GPC5: variants seen among roughly 807,000 people sequenced by gnomAD.
The protein encoded by GPC5 is glypican-5.
Under a neutral mutation model 53.9 loss-of-function variants are expected in GPC5, and 47 were observed. The observed-to-expected ratio is 0.87, with a 90% CI of 0.69 to 1.11. The LOEUF (loss-of-function observed/expected upper bound fraction) is 1.11. Among genes scored for constraint, GPC5 ranks in the 50% most tolerant of loss-of-function variants. The probability of loss-of-function intolerance (pLI) is 0.00; values close to 1 mark genes in which losing one functional copy is unlikely to be tolerated. For synonymous variants in GPC5, 286 were observed against 263.3 expected, an observed-to-expected ratio of 1.09 and a Z score of -0.84; for missense variants, 748 against 713.1, an observed-to-expected ratio of 1.05 and a Z score of -0.56.
chr13:91,434,126 A>C (rs920186340), intron 1 of GPC5, among the ~76,000 whole-genome samples: 15 of 152,142 alleles, frequency 9.9e-5, no homozygotes, highest in Non-Finnish European at 2.2e-4. Flanking sequence ...AGTAGATTGC[A>C]AAAATTTTCT....
At chr13:91,565,896 C>G (rs895800806) in intron 2 of GPC5, among the ~76,000 whole-genome samples, 1 of 152,136 alleles carries the variant, frequency 6.6e-6, no homozygotes, top group African/African-American at 2.4e-5. Flanking sequence ...TCTCTTCAAG[C>G]TCTTCGTGGC....
chr13:91,460,738 G>A (rs534967563), intron 2 of GPC5, among the ~76,000 whole-genome samples: 64 of 152,000 alleles, frequency 4.2e-4, no homozygotes, highest in African/African-American at 1.5e-3. Context: ...TATTAAAAAT[G>A]TAGAAGTGTT....
At chr13:92,334,388 C>T (rs1278598408) in intron 7 of GPC5, among the ~76,000 whole-genome samples, 4 of 152,156 alleles carry the variant, frequency 2.6e-5, no homozygotes, top group Admixed American at 1.3e-4. Flanking sequence ...ATTACCTCCA[C>T]TAGGTCCCTC....
chr13:91,815,606 G>A (rs16951982), intron 5 of GPC5, among the ~76,000 whole-genome samples: 1,977 of 152,166 alleles, frequency 0.013, 41 homozygotes, highest in African/African-American at 0.045. Flanking sequence ...TAGTGAGCAC[G>A]ATGTGAGGTA....
At chr13:91,674,535 A>G (rs750263823) in intron 2 of GPC5, among the ~76,000 whole-genome samples, 20 of 143,258 alleles carry the variant, frequency 1.4e-4, no homozygotes, top group Non-Finnish European at 7.6e-5. Context: ...GTATGTGTAT[A>G]TATACGCATA....
At chr13:92,073,341 G>T (rs1310750990) in intron 6 of GPC5, among the ~76,000 whole-genome samples, 1 of 152,154 alleles carries the variant, frequency 6.6e-6, no homozygotes, top group Admixed American at 6.5e-5. Context: ...GTTTCTAATT[G>T]AACCCAATAA....
intron 7 of GPC5, among the ~76,000 whole-genome samples, chr13:92,222,642 G>C (rs564541687): frequency 1.3e-5 from 2 of 151,930 alleles, no homozygotes; most frequent in Non-Finnish European, 2.9e-5. Flanking sequence ...TTTCTTTGGG[G>C]TGTGTGTGTG....
At chr13:91,474,278 A>C (rs1002850884) in intron 2 of GPC5, among the ~76,000 whole-genome samples, 8 of 152,152 alleles carry the variant, frequency 5.3e-5, no homozygotes, top group Non-Finnish European at 1.0e-4. Flanking sequence ...AGATCTTGGA[A>C]GAATGCTATA....
At chr13:92,393,361 T>G (rs149286641) in intron 7 of GPC5, among the ~76,000 whole-genome samples, 1 of 152,166 alleles carries the variant, frequency 6.6e-6, no homozygotes, top group Non-Finnish European at 1.5e-5. Context: ...TACGAACTTA[T>G]GAACACAGGC....
At chr13:92,613,448 ATTT>A (rs1252836237) in intron 7 of GPC5, among the ~76,000 whole-genome samples, 1 of 94,138 alleles carries the variant, frequency 1.1e-5, no homozygotes, top group Non-Finnish European at 1.9e-5. Context: ...AAATATATAT[ATTT>A]ATATATAAAT....
rs116968194 is a variant in GPC5 at position 91,583,266 on chromosome 13, A to T, written c.326-109921A>T. ...GAATATAGTTGGAAAGGAACAAACA[A>T]AACTATTATTCACTGACAATATGTT... On this transcript the variant is annotated intron_variant, in intron 2 of 7. Transcript: ENST00000377067. Among the ~76,000 whole-genome samples the T allele has an allele frequency of 3.6e-3, 545 of 152,314 alleles. 1 individual carries two copies. Among genetic ancestry groups the T allele is most frequent in the Admixed American group, 7.9e-3 (121 of 15,288 alleles).
chr13:91,800,305 A>G (rs1173676928), intron 5 of GPC5, among the ~76,000 whole-genome samples: 1 of 152,158 alleles, frequency 6.6e-6, no homozygotes, highest in Non-Finnish European at 1.5e-5. Flanking sequence ...TGGATTAATG[A>G]GATATGAGAT....
intron 1 of GPC5, among the ~76,000 whole-genome samples, chr13:91,437,868 T>G (rs1416507220): frequency 2.0e-5 from 3 of 152,214 alleles, no homozygotes; most frequent in African/African-American, 7.2e-5. Context: ...CTTTTTATTC[T>G]TTTTTCTCTA....
intron 4 of GPC5, among the ~76,000 whole-genome samples, chr13:91,733,415 C>T (rs998862806): frequency 2.6e-5 from 4 of 152,138 alleles, no homozygotes; most frequent in African/African-American, 9.7e-5. Flanking sequence ...TTACAGGCGT[C>T]AGCCACCGGG....
intron 5 of GPC5, among the ~76,000 whole-genome samples, chr13:91,861,406 C>T (rs2039026570): frequency 1.3e-5 from 2 of 152,050 alleles, no homozygotes; most frequent in Admixed American, 6.5e-5. Flanking sequence ...TAAGTCAGTG[C>T]CCCCTTTGGC....
chr13:91,539,601 C>T (rs985589008), intron 2 of GPC5, among the ~76,000 whole-genome samples: 1 of 152,096 alleles, frequency 6.6e-6, no homozygotes, highest in African/African-American at 2.4e-5. Flanking sequence ...TTTTGGGTCA[C>T]CTTCCTACCC....
chr13:91,630,374 G>A (rs1034663280), intron 2 of GPC5, among the ~76,000 whole-genome samples: 7 of 151,992 alleles, frequency 4.6e-5, no homozygotes, highest in Non-Finnish European at 8.8e-5. Flanking sequence ...ATCAGGGCTC[G>A]ACGGGCTCAA....
chr13:92,245,827 T>C (rs1012654029), intron 7 of GPC5, among the ~76,000 whole-genome samples: 1 of 152,158 alleles, frequency 6.6e-6, no homozygotes, highest in Non-Finnish European at 1.5e-5. Context: ...GTAGTCAAAA[T>C]TGTTTCTTAA....
chr13:92,463,311 G>A (rs928538086), intron 7 of GPC5, among the ~76,000 whole-genome samples: 1 of 152,170 alleles, frequency 6.6e-6, no homozygotes, highest in Non-Finnish European at 1.5e-5. Flanking sequence ...ACCTGCTGCC[G>A]AGAATGCTGT....
Sources: gnomAD v4.1 joint callset for allele counts (sites outside exome capture counted in the v4.1 genomes callset) on GRCh38, gnomAD v4.1.1 for gene constraint, MANE v1.5 for transcripts, NCBI Gene and HGNC (gene_info 2026-07-23, HGNC 2026-07-21) for gene names.